Variants in PLS3 observed in about 807,000 individuals in gnomAD.
The protein encoded by PLS3 is plastin 3.
Under a neutral mutation model 46.5 loss-of-function variants are expected in PLS3, and 11 were observed. The observed-to-expected ratio is 0.24, with a 90% CI of 0.15 to 0.39. The LOEUF is 0.39. PLS3 is among the 10% of genes least tolerant of loss of function. PLS3 has a pLI of 1.00. For missense variants in PLS3, 308 were observed against 461.8 expected (o/e 0.67, Z 3.05); for synonymous variants, 167 against 162.2 (o/e 1.03, Z -0.22).
intron 3 of PLS3, among the ~76,000 whole-genome samples, chrX:115,627,714 TTAGAG>T (rs2074724729): frequency 8.9e-6 from 1 of 112,097 alleles, no homozygotes; most frequent in Non-Finnish European, 1.9e-5. Flanking sequence ...TGTTTAGTAT[TTAGAG>T]TAGTGTGTAT....
chrX:115,589,874 G>A (rs1403369017), intron 1 of PLS3, among the ~76,000 whole-genome samples: 10 of 111,773 alleles, frequency 8.9e-5, no homozygotes, highest in African/African-American at 1.3e-4. Context: ...CTTTGTGTTT[G>A]TATTTTGAGA....
chrX:115,648,493 C>T (rs1487697104), intron 15 of PLS3, among the ~76,000 whole-genome samples: 1 of 111,256 alleles, frequency 9.0e-6, no homozygotes. Context: ...CCACAGAAGA[C>T]TATGCCTTGA....
At chrX:115,580,216 A>G (rs1428798454) in intron 1 of PLS3, among the ~76,000 whole-genome samples, 1 of 112,129 alleles carries the variant, frequency 8.9e-6, no homozygotes, top group Non-Finnish European at 1.9e-5. Context: ...GGCCCACTTT[A>G]TCAGTATTTC....
At chrX:115,578,714 A>G (rs1230828084) in intron 1 of PLS3, among the ~76,000 whole-genome samples, 3 of 107,630 alleles carry the variant, frequency 2.8e-5, no homozygotes, top group Non-Finnish European at 5.8e-5. Flanking sequence ...AAAAAAAAAA[A>G]GATAAAGTGG....
chrX:115,569,412 G>T (rs1366695024), intron 1 of PLS3, among the ~76,000 whole-genome samples: 2 of 111,726 alleles, frequency 1.8e-5, no homozygotes, highest in Non-Finnish European at 3.8e-5. Context: ...ACTATTTGCT[G>T]ATATGCCCTT....
In PLS3 at chrX:115,610,887, A is replaced by G. The variant is rs149800956; in HGVS notation, c.73+564A>G. 63 of 1,069,629 alleles carry G rather than the reference A, an allele frequency of 5.9e-5. No homozygotes were observed. The African/African-American group carries it at 9.3e-4, about 16-fold the overall frequency. 88.1% of individuals were successfully genotyped at this position (1,069,629 alleles called of 1,213,427 possible). On this transcript the variant is annotated intron_variant, in intron 2 of 15. Transcript: ENST00000355899. ...GCTATTTGATTTATCCTTTATCATCATATAACATGCCTTACAATTGAGCAG... is the reference window on the plus strand; with the variant it reads ...GCTATTTGATTTATCCTTTATCATCGTATAACATGCCTTACAATTGAGCAG...
intron 1 of PLS3, among the ~76,000 whole-genome samples, chrX:115,601,565 C>G (rs2074444239): frequency 9.2e-6 from 1 of 108,633 alleles, no homozygotes; most frequent in Non-Finnish European, 1.9e-5. Flanking sequence ...CACACCAACA[C>G]GACACATGTA....
intron 2 of PLS3, among the ~76,000 whole-genome samples, chrX:115,621,658 T>G (rs1321327594): frequency 8.9e-6 from 1 of 111,914 alleles, no homozygotes; most frequent in African/African-American, 3.2e-5. Flanking sequence ...AAAAGGTTAT[T>G]TATAGAGTCA....
At chrX:115,564,586 T>A (rs1389318621) in intron 1 of PLS3, among the ~76,000 whole-genome samples, 1 of 112,183 alleles carries the variant, frequency 8.9e-6, no homozygotes, top group Non-Finnish European at 1.9e-5. Context: ...ACTGAGAGGG[T>A]ACAAGAAGAA....
chrX:115,589,093 AAGT>A lies in PLS3; in HGVS notation c.-8-21147_-8-21145del, dbSNP rs2074328551. On this transcript the variant is annotated intron_variant, in intron 1 of 15. Coordinates refer to ENST00000355899, the MANE Select transcript of PLS3 (RefSeq NM_005032.7). ...AGCTATCCTCCTACCTCAGCCTCCC[AAGT>A]AGCTGGGACTACAGGCGACAGCCAC... 6.3e-5 allele frequency among the ~76,000 whole-genome samples: 7 copies of A among 110,624 alleles called. No homozygotes were observed. The Admixed American group carries it at 6.8e-4, about 11-fold the overall frequency.
intron 2 of PLS3, chrX:115,611,048 GATT>G: frequency 5.1e-6 from 2 of 392,785 alleles, no homozygotes; most frequent in Non-Finnish European, 8.9e-6. Flanking sequence ...TAGAGAGGTA[GATT>G]ATTATTATTT....
chrX:115,644,480 C>A (rs2074930448), intron 10 of PLS3, among the ~76,000 whole-genome samples: 1 of 109,856 alleles, frequency 9.1e-6, no homozygotes, highest in Non-Finnish European at 1.9e-5. Flanking sequence ...CACCTGTAAT[C>A]CAGATACTCG....
chrX:115,629,765 T>C, intron 4 of PLS3, 70 bp from the exon 5 acceptor site: 1 of 702,861 alleles, frequency 1.4e-6, no homozygotes, highest in Non-Finnish European at 2.1e-6. Context: ...ACAACTATTT[T>C]AGGCTTTGGA....
intron 1 of PLS3, among the ~76,000 whole-genome samples, chrX:115,585,236 T>C (rs2074300583): frequency 8.9e-6 from 1 of 111,742 alleles, no homozygotes; most frequent in African/African-American, 3.2e-5. Context: ...GAAATCCTCA[T>C]ATTTCCTGAT....
intron 10 of PLS3, among the ~76,000 whole-genome samples, chrX:115,644,055 A>G (rs2074925947): frequency 9.0e-6 from 1 of 111,381 alleles, no homozygotes; most frequent in Non-Finnish European, 1.9e-5. Context: ...TTTAATATTT[A>G]GGGTTAGACC....
Position 115,587,506 on chromosome X carries a change from C to T in PLS3, c.-8-22737C>T, listed in dbSNP as rs1365454666. On this transcript the variant is annotated intron_variant, in intron 1 of 15. Coordinates refer to ENST00000355899, the MANE Select transcript of PLS3 (RefSeq NM_005032.7). ...ATCCCAGCACTTTGGGAGGCCGAGG[C>T]GGGCAGATCACGAGGTCAGGAGATC... 2.7e-5 allele frequency among the ~76,000 whole-genome samples: 3 copies of T among 111,518 alleles called. No individual in the cohort carries two copies. The East Asian group carries it at 8.5e-4, about 32-fold the overall frequency.
intron 1 of PLS3, among the ~76,000 whole-genome samples, chrX:115,567,409 G>A (rs1361037252): frequency 9.1e-6 from 1 of 110,192 alleles, no homozygotes; most frequent in Non-Finnish European, 1.9e-5. Context: ...TAGCCAACAT[G>A]GTGAAACCCC....
At chrX:115,605,625 G>C (rs2074483432) in intron 1 of PLS3, among the ~76,000 whole-genome samples, 1 of 110,424 alleles carries the variant, frequency 9.1e-6, no homozygotes, top group Admixed American at 9.7e-5. Flanking sequence ...ACGATGCCCA[G>C]TTAATTTTTT....
intron 3 of PLS3, among the ~76,000 whole-genome samples, chrX:115,625,354 C>A (rs988023017): frequency 9.1e-6 from 1 of 110,023 alleles, no homozygotes; most frequent in Non-Finnish European, 1.9e-5. Context: ...AAAACAGTCC[C>A]AAAATTATAT....
Sources: allele counts gnomAD v4.1 joint callset (sites outside exome capture counted in the v4.1 genomes callset), GRCh38; gene constraint gnomAD v4.1.1; transcripts MANE v1.5; gene names NCBI Gene and HGNC (gene_info 2026-07-23, HGNC 2026-07-21).